RGS17: variants seen among roughly 807,000 people sequenced by gnomAD.
RGS17 encodes the protein regulator of G-protein signaling 17.
Under a neutral mutation model 25.5 loss-of-function variants are expected in RGS17, and 12 were observed. The observed-to-expected ratio is 0.47, with a 90% CI of 0.30 to 0.76. RGS17 has a LOEUF of 0.76. Among genes scored for constraint, RGS17 ranks in the 30% least tolerant of loss-of-function variants. RGS17 has a pLI of 0.07. For synonymous variants in RGS17, 71 were observed against 76.9 expected, an observed-to-expected ratio of 0.92 and a Z score of 0.40; for missense variants, 196 against 242.2, an observed-to-expected ratio of 0.81 and a Z score of 1.27.
chr6:153,130,610 G>C lies in RGS17; in HGVS notation c.-26+514C>G, dbSNP rs1299428136. Among the ~76,000 whole-genome samples the C allele has an allele frequency of 6.6e-6, 1 of 152,174 alleles. No homozygotes were observed. Among genetic ancestry groups the C allele is most frequent in the Non-Finnish European group, 1.5e-5 (1 of 68,030 alleles). ...GTGCATTTTCCCAAAGGTAAAGAGAGATAAGGGAGGAAACACAGCACCCAA... is the reference window on the plus strand; with the variant it reads ...GTGCATTTTCCCAAAGGTAAAGAGACATAAGGGAGGAAACACAGCACCCAA... On this transcript the variant is annotated intron_variant, in intron 1 of 4. Coordinates refer to ENST00000206262, the MANE Select transcript of RGS17 (RefSeq NM_012419.5). This position sits in a 1 kb window ranked among gnomAD's most constrained non-coding sequence, Gnocchi z 6.4.
At chr6:153,057,761 A>G (rs550616438) in intron 1 of RGS17, among the ~76,000 whole-genome samples, 1 of 152,310 alleles carries the variant, frequency 6.6e-6, no homozygotes, top group East Asian at 1.9e-4. Flanking sequence ...AGACACTCCC[A>G]TCTGGGGGTG....
At chr6:153,129,441 T>C (rs1386372629) in intron 1 of RGS17, among the ~76,000 whole-genome samples, 2 of 152,264 alleles carry the variant, frequency 1.3e-5, no homozygotes, top group African/African-American at 2.4e-5. Flanking sequence ...GTACTTTAAA[T>C]GTTTCACGGT....
intron 1 of RGS17, among the ~76,000 whole-genome samples, chr6:153,121,365 T>C (rs1306330284): frequency 6.6e-6 from 1 of 152,184 alleles, no homozygotes; most frequent in Non-Finnish European, 1.5e-5. Context: ...TTCCCTAAAA[T>C]CTAACCAGAC....
At chr6:153,018,949 G>C (rs1422049706) in intron 4 of RGS17, among the ~76,000 whole-genome samples, 1 of 152,224 alleles carries the variant, frequency 6.6e-6, no homozygotes, top group Non-Finnish European at 1.5e-5. Context: ...TGGACACACA[G>C]AATCTGCATG....
intron 1 of RGS17, among the ~76,000 whole-genome samples, chr6:153,121,035 T>A (rs1777623721): frequency 6.6e-6 from 1 of 152,130 alleles, no homozygotes; most frequent in South Asian, 2.1e-4. Flanking sequence ...TATCTCTTTA[T>A]TCTTTAGGCT....
intron 1 of RGS17, among the ~76,000 whole-genome samples, chr6:153,123,604 A>C (rs2129127316): frequency 6.6e-6 from 1 of 152,328 alleles, no homozygotes; most frequent in Non-Finnish European, 1.5e-5. Context: ...TTCTTTCTCA[A>C]ACTTAAATGT....
chr6:153,071,119 A>G (rs1776795851), intron 1 of RGS17, among the ~76,000 whole-genome samples: 1 of 150,150 alleles, frequency 6.7e-6, no homozygotes, highest in Non-Finnish European at 1.5e-5. Context: ...ATCTTAATAT[A>G]TAAGTACATA....
At chr6:153,068,282 C>T (rs952666029) in intron 1 of RGS17, among the ~76,000 whole-genome samples, 1 of 127,250 alleles carries the variant, frequency 7.9e-6, no homozygotes, top group Non-Finnish European at 1.6e-5. Context: ...CCCATTGCTA[C>T]TAAAAATACA....
intron 3 of RGS17, among the ~76,000 whole-genome samples, chr6:153,024,901 T>C (rs979906680): frequency 9.9e-5 from 15 of 152,280 alleles, no homozygotes; most frequent in Middle Eastern, 3.4e-3. Flanking sequence ...ATTTCAATTT[T>C]CCAGCCATAA....
At position 153,062,201 on chromosome 6, in the gene RGS17, T is replaced by C. The variant is rs1776648924; in HGVS notation, c.-25-18158A>G. Among the ~76,000 whole-genome samples, 3 of 149,496 alleles carry C rather than the reference T, an allele frequency of 2.0e-5. No homozygotes were observed. The South Asian group carries it at 6.2e-4, about 31-fold the overall frequency. On this transcript the variant is annotated intron_variant, in intron 1 of 4. Coordinates refer to ENST00000206262, the MANE Select transcript of RGS17 (RefSeq NM_012419.5). ...GCATACTCACAATACCTGGTTTTAA[T>C]ATCATGTCACTGAAAGAGGTACTGA...
intron 2 of RGS17, among the ~76,000 whole-genome samples, chr6:153,037,794 T>C (rs990822624): frequency 6.6e-6 from 1 of 152,214 alleles, no homozygotes; most frequent in African/African-American, 2.4e-5. Flanking sequence ...CAATGACCAA[T>C]ATGGAGTTTT....
intron 1 of RGS17, among the ~76,000 whole-genome samples, chr6:153,077,162 CAAGTTACAGAAACAAAA>C (rs1192423887): frequency 7.9e-5 from 12 of 152,086 alleles, no homozygotes; most frequent in South Asian, 6.2e-4. Flanking sequence ...ACCTAATTTT[CAAGTTACAGAAACAAAA>C]AAGACAAAGG....
intron 2 of RGS17, among the ~76,000 whole-genome samples, chr6:153,028,980 G>A (rs965348283): frequency 6.6e-6 from 1 of 152,180 alleles, no homozygotes; most frequent in Admixed American, 6.5e-5. Flanking sequence ...TGAATCACGA[G>A]TTTCTGAACA....
intron 2 of RGS17, among the ~76,000 whole-genome samples, chr6:153,035,836 T>C (rs1776232813): frequency 1.3e-5 from 2 of 152,196 alleles, no homozygotes; most frequent in African/African-American, 4.8e-5. Flanking sequence ...AGGGGCTCAC[T>C]CATTTTCTCT....
intron 1 of RGS17, among the ~76,000 whole-genome samples, chr6:153,082,159 C>T (rs1405989275): frequency 6.6e-6 from 1 of 152,168 alleles, no homozygotes; most frequent in African/African-American, 2.4e-5. Flanking sequence ...CTTTTTAAGA[C>T]TGCTGTTTAT....
At chr6:153,065,480 T>C (rs1217224384) in intron 1 of RGS17, among the ~76,000 whole-genome samples, 1 of 152,032 alleles carries the variant, frequency 6.6e-6, no homozygotes, top group Non-Finnish European at 1.5e-5. Context: ...ATTTCACACA[T>C]ACTCTTTTCC....
chr6:153,012,061 T>C (rs889158177), intron 4 of RGS17, among the ~76,000 whole-genome samples: 4 of 152,236 alleles, frequency 2.6e-5, no homozygotes, highest in African/African-American at 9.6e-5. Flanking sequence ...TTTCTAATCA[T>C]GGTTGAGATA....
Position 153,010,878 on chromosome 6 carries a change from C to T in RGS17, c.*696G>A, listed in dbSNP as rs1584115806. On this transcript the variant is annotated 3_prime_UTR_variant, in exon 5 of 5. Coordinates refer to ENST00000206262, the MANE Select transcript of RGS17 (RefSeq NM_012419.5). ...CAAATTGTTTTGTGCTTTTTTCCTT[C>T]TTCCCTTTTTTTTTTTTTTTGTTTT... The T allele has an allele frequency of 6.9e-6, 1 of 144,056 alleles. No individual in the cohort carries two copies. The highest frequency in any genetic ancestry group is 2.0e-4 in the East Asian group (1 of 5,076). 8.9% of individuals were successfully genotyped at this position (144,056 alleles called of 1,614,324 possible).
intron 1 of RGS17, among the ~76,000 whole-genome samples, chr6:153,092,703 T>C (rs1283137762): frequency 1.3e-5 from 2 of 152,206 alleles, no homozygotes; most frequent in African/African-American, 2.4e-5. Flanking sequence ...TGCTCACAAA[T>C]TATCCTGGTT....
Sources: allele counts gnomAD v4.1 joint callset (sites outside exome capture counted in the v4.1 genomes callset), GRCh38; gene constraint gnomAD v4.1.1; non-coding constraint Gnocchi (gnomAD v3.1); transcripts MANE v1.5; gene names NCBI Gene and HGNC (gene_info 2026-07-23, HGNC 2026-07-21).